The following UCHL5 variants were observed in gnomAD, a reference collection of about 807,000 sequenced individuals.
The protein encoded by UCHL5 is ubiquitin C-terminal hydrolase L5.
UCHL5 carries 34 observed loss-of-function variants against 53.8 expected under a neutral mutation model. The observed-to-expected ratio is 0.63, with a 90% CI of 0.48 to 0.84. The LOEUF (loss-of-function observed/expected upper bound fraction) is 0.84, where lower values mean the gene tolerates loss of function less well. Ranked by LOEUF, UCHL5 falls within the 40% of genes least tolerant of loss-of-function variation. The pLI, the probability that UCHL5 is intolerant of heterozygous loss-of-function variation, is 0.00. For missense variants in UCHL5, 290 were observed against 385.6 expected (o/e 0.75, Z 2.08); for synonymous variants, 111 against 126.3 (o/e 0.88, Z 0.81).
upstream of UCHL5, chr1:193,059,640 C>T (rs781670691): frequency 2.2e-6 from 3 of 1,393,700 alleles, no homozygotes; most frequent in East Asian, 4.1e-5. The surrounding 1 kb of genome is among the most constrained non-coding windows in gnomAD (Gnocchi z 4.9). Flanking sequence ...AACCTGGAAT[C>T]CCCGGCGGCA....
At chr1:193,029,137 C>A (rs1163844058) in intron 6 of UCHL5, 42 bp downstream of exon 6, 1 of 1,594,646 alleles carries the variant, frequency 6.3e-7, no homozygotes, top group Non-Finnish European at 8.5e-7. Flanking sequence ...AACAGATTTT[C>A]CCCTGTCAAA....
chr1:193,024,781 G>A (rs983057315), intron 7 of UCHL5, among the ~76,000 whole-genome samples: 1 of 151,954 alleles, frequency 6.6e-6, no homozygotes, highest in East Asian at 1.9e-4. Flanking sequence ...TAGAAAATAT[G>A]AGCCCATTTT....
chr1:193,052,795 T>C (rs752286210), intron 1 of UCHL5, among the ~76,000 whole-genome samples: 1 of 152,166 alleles, frequency 6.6e-6, no homozygotes, highest in African/African-American at 2.4e-5. Flanking sequence ...AAATCAACCG[T>C]ATTTACCAAA....
intron 1 of UCHL5, 40 bp from the exon 2 acceptor site, chr1:193,051,857 T>G: frequency 7.0e-7 from 1 of 1,437,512 alleles, no homozygotes; most frequent in Non-Finnish European, 9.5e-7. Context: ...ACAGGATAAT[T>G]CATTTTTTCC....
At position 193,014,341 on chromosome 1, in the gene UCHL5, A is replaced by T. The variant is rs1435242462; in HGVS notation, c.*2010T>A. 2 of 152,292 alleles carry T rather than the reference A, an allele frequency of 1.3e-5. No homozygotes were observed. Among genetic ancestry groups the T allele is most frequent in the African/African-American group, 4.8e-5 (2 of 41,574 alleles). 9.4% of individuals were successfully genotyped at this position (152,292 alleles called of 1,614,324 possible). On this transcript the variant is annotated 3_prime_UTR_variant, in exon 11 of 11. Coordinates refer to ENST00000367454, the MANE Select transcript of UCHL5 (RefSeq NM_001199261.3). ...TCTTAAGCTATGGAAATTCCTATTA[A>T]GGAATTTTATTAGATTAATAAGAAA...
intron 3 of UCHL5, among the ~76,000 whole-genome samples, chr1:193,045,066 T>C (rs994701936): frequency 6.6e-6 from 1 of 152,196 alleles, no homozygotes; most frequent in African/African-American, 2.4e-5. Context: ...TACTTTCTTA[T>C]ACCTTAAAAG....
intron 9 of UCHL5, among the ~76,000 whole-genome samples, chr1:193,022,644 C>T (rs1414715646): frequency 9.1e-5 from 12 of 131,642 alleles, no homozygotes; most frequent in African/African-American, 1.5e-4. Context: ...CCAGCCTTGG[C>T]GACAGAGCGA....
At chr1:193,024,001 C>T (rs1214910976) in intron 7 of UCHL5, 55 bp from the exon 8 acceptor site, 69 of 1,237,962 alleles carry the variant, frequency 5.6e-5, no homozygotes, top group Non-Finnish European at 7.5e-5. Flanking sequence ...CAACTATTAC[C>T]GTTAAGATAA....
chr1:193,016,493 C>T (rs2102228778), intron 10 of UCHL5, 98 bp from the exon 11 acceptor site: 3 of 1,093,680 alleles, frequency 2.7e-6, no homozygotes, highest in Non-Finnish European at 3.9e-6. Context: ...AGCTGAAAGG[C>T]TTGAAATACA....
chr1:193,037,596 G>A (rs1037519454), intron 3 of UCHL5, among the ~76,000 whole-genome samples: 2 of 152,004 alleles, frequency 1.3e-5, no homozygotes, highest in Admixed American at 1.3e-4. Flanking sequence ...CAAAAAAATT[G>A]AAGAAGAAGG....
At chr1:193,021,897 A>T (rs565884364) in intron 9 of UCHL5, among the ~76,000 whole-genome samples, 1 of 152,300 alleles carries the variant, frequency 6.6e-6, no homozygotes, top group Non-Finnish European at 1.5e-5. Context: ...CAATCATTTT[A>T]TCTTTTTTTA....
At chr1:193,036,852 C>A (rs1484142398) in intron 3 of UCHL5, among the ~76,000 whole-genome samples, 1 of 151,698 alleles carries the variant, frequency 6.6e-6, no homozygotes, top group African/African-American at 2.4e-5. Flanking sequence ...ATAATAGAAA[C>A]CTTGGAAACT....
At chr1:193,047,181 TG>T (rs2102788187) in intron 3 of UCHL5, among the ~76,000 whole-genome samples, 1 of 152,276 alleles carries the variant, frequency 6.6e-6, no homozygotes, top group Admixed American at 6.5e-5. Context: ...TTATTATAGT[TG>T]TTGAGGATGC....
At position 193,027,725 on chromosome 1, in the gene UCHL5, T is replaced by C. The variant is rs190867218; in HGVS notation, c.629+360A>G. On this transcript the variant is annotated intron_variant, in intron 7 of 10. Transcript: ENST00000367454. ...GAAAATAAAAAATTATCTAACTTAA[T>C]GGAAATCTGCATGTTTAACTTCTCT... 2,241 of 321,044 alleles carry C rather than the reference T, an allele frequency of 7.0e-3. 16 individuals are homozygous for C. Among genetic ancestry groups the C allele is most frequent in the Non-Finnish European group, 8.9e-3 (1,529 of 172,138 alleles). 19.9% of individuals were successfully genotyped at this position (321,044 alleles called of 1,614,324 possible).
Position 193,016,220 on chromosome 1 carries a change from G to C in UCHL5, c.*131C>G. On this transcript the variant is annotated 3_prime_UTR_variant, in exon 11 of 11. Transcript: ENST00000367454. The stretch of plus-strand genomic sequence containing the variant: ...GAAGTTTATGAATCCATGCATTAAA[G>C]ACAAGACAGGCTGGCACTATTGCCA... 1.0e-6 allele frequency: 1 copy of C among 975,636 alleles called. No homozygotes were observed. The highest frequency in any genetic ancestry group is 2.6e-5 in the East Asian group (1 of 38,450). 60.4% of individuals were successfully genotyped at this position (975,636 alleles called of 1,614,324 possible).
At chr1:193,034,332 T>C (rs1662593966) in intron 3 of UCHL5, among the ~76,000 whole-genome samples, 2 of 151,874 alleles carry the variant, frequency 1.3e-5, no homozygotes, top group Admixed American at 6.6e-5. Flanking sequence ...CCGTATGAAA[T>C]GATTTTGAAA....
intron 3 of UCHL5, among the ~76,000 whole-genome samples, chr1:193,041,990 T>C (rs1665732901): frequency 6.6e-6 from 1 of 151,654 alleles, no homozygotes; most frequent in Admixed American, 6.6e-5. Flanking sequence ...CAGGGTATGG[T>C]GGTGTGCATC....
intron 3 of UCHL5, among the ~76,000 whole-genome samples, chr1:193,047,305 A>C (rs1667639440): frequency 6.6e-6 from 1 of 152,136 alleles, no homozygotes; most frequent in Non-Finnish European, 1.5e-5. Flanking sequence ...AGGTTAGTAG[A>C]GATGGGTGTG....
chr1:193,054,727 T>G (rs1484753003), intron 1 of UCHL5, among the ~76,000 whole-genome samples: 1 of 152,110 alleles, frequency 6.6e-6, no homozygotes, highest in Non-Finnish European at 1.5e-5. Context: ...ATCTCTTTCC[T>G]CAAAACAAGA....
Sources: allele counts gnomAD v4.1 joint callset (sites outside exome capture counted in the v4.1 genomes callset), GRCh38; gene constraint gnomAD v4.1.1; non-coding constraint Gnocchi (gnomAD v3.1); transcripts MANE v1.5; gene names NCBI Gene and HGNC (gene_info 2026-07-23, HGNC 2026-07-21).